Variants in GPC6 observed in about 807,000 individuals in gnomAD.
GPC6 encodes glypican-6.
GPC6 carries 14 observed loss-of-function variants against 55.2 expected under a neutral mutation model. The ratio of observed to expected loss-of-function variants is 0.25; its 90% CI spans 0.17 to 0.40. GPC6 has a LOEUF of 0.40. Among genes scored for constraint, GPC6 ranks in the 10% least tolerant of loss-of-function variants. GPC6 has a pLI of 1.00. For missense variants in GPC6, 641 were observed against 708.5 expected (o/e 0.90, Z 1.08); for synonymous variants, 278 against 259.6 (o/e 1.07, Z -0.68).
intron 1 of GPC6, among the ~76,000 whole-genome samples, chr13:93,537,062 T>G (rs1283752266): frequency 6.6e-6 from 1 of 152,186 alleles, no homozygotes; most frequent in Non-Finnish European, 1.5e-5. Flanking sequence ...GAGTGGTGCC[T>G]GCTTAGACTT....
At chr13:93,690,045 G>T (rs1195346312) in intron 2 of GPC6, among the ~76,000 whole-genome samples, 1 of 152,066 alleles carries the variant, frequency 6.6e-6, no homozygotes, top group African/African-American at 2.4e-5. Flanking sequence ...TAATAACAAA[G>T]AATATCTTTC....
At chr13:94,106,400 A>T (rs1886056358) in intron 4 of GPC6, among the ~76,000 whole-genome samples, 1 of 152,194 alleles carries the variant, frequency 6.6e-6, no homozygotes, top group African/African-American at 2.4e-5. Context: ...GTGGGTAGCG[A>T]GACAGAGTTT....
intron 1 of GPC6, among the ~76,000 whole-genome samples, chr13:93,253,309 G>A (rs1035362306): frequency 1.3e-5 from 2 of 152,184 alleles, no homozygotes; most frequent in African/African-American, 4.8e-5. Context: ...TGGAGGCTTT[G>A]AATAATAAAT....
At chr13:93,761,249 A>C (rs1375235877) in intron 2 of GPC6, among the ~76,000 whole-genome samples, 1 of 152,176 alleles carries the variant, frequency 6.6e-6, no homozygotes, top group Non-Finnish European at 1.5e-5. Flanking sequence ...AAGCAGTTTA[A>C]TTTTCTTTTA....
intron 3 of GPC6, among the ~76,000 whole-genome samples, chr13:93,850,280 A>T (rs1594522000): frequency 6.6e-6 from 1 of 151,912 alleles, no homozygotes; most frequent in African/African-American, 2.4e-5. Context: ...GGTAAATAAC[A>T]CCTAGCCCAG....
chr13:93,967,203 G>A (rs987433831), intron 3 of GPC6, among the ~76,000 whole-genome samples: 3 of 152,112 alleles, frequency 2.0e-5, no homozygotes, highest in African/African-American at 7.2e-5. Flanking sequence ...CACTTTGCTG[G>A]GTGCTAAGGG....
intron 1 of GPC6, among the ~76,000 whole-genome samples, chr13:93,434,445 C>T (rs1877488511): frequency 6.6e-6 from 1 of 152,022 alleles, no homozygotes. Flanking sequence ...ATTGTGGGGA[C>T]AGTGAGGAAT....
intron 4 of GPC6, among the ~76,000 whole-genome samples, chr13:94,269,668 C>T (rs78372532): frequency 0.043 from 6,474 of 152,172 alleles, 245 homozygotes; most frequent in African/African-American, 0.1. Context: ...CACTGAACAC[C>T]TGTGTCCACT....
intron 1 of GPC6, among the ~76,000 whole-genome samples, chr13:93,243,404 T>C (rs901875750): frequency 6.6e-6 from 1 of 152,210 alleles, no homozygotes; most frequent in African/African-American, 2.4e-5. Flanking sequence ...CACCCATGTC[T>C]CTAGTCAGCC....
intron 3 of GPC6, among the ~76,000 whole-genome samples, chr13:93,958,616 A>G (rs56173854): frequency 6.6e-6 from 1 of 152,136 alleles, no homozygotes; most frequent in East Asian, 1.9e-4. Context: ...TATAGTTCAA[A>G]GTTGAATAGT....
intron 2 of GPC6, among the ~76,000 whole-genome samples, chr13:93,569,519 C>A (rs1876295961): frequency 6.6e-6 from 1 of 151,364 alleles, no homozygotes; most frequent in Admixed American, 6.6e-5. Flanking sequence ...TTTAAAACCT[C>A]ACTGCTCAAA....
intron 2 of GPC6, among the ~76,000 whole-genome samples, chr13:93,606,415 A>T (rs1296232452): frequency 1.3e-5 from 2 of 152,202 alleles, no homozygotes; most frequent in Non-Finnish European, 2.9e-5. Context: ...TCATATGTTC[A>T]CATTTTCCTG....
chr13:94,134,577 G>T (rs929555191), intron 4 of GPC6, among the ~76,000 whole-genome samples: 11 of 152,040 alleles, frequency 7.2e-5, no homozygotes. Flanking sequence ...TCATAAATGA[G>T]GTGTCCTCCT....
chr13:93,449,192 G>A (rs184678640), intron 1 of GPC6, among the ~76,000 whole-genome samples: 22 of 152,194 alleles, frequency 1.4e-4, no homozygotes, highest in Non-Finnish European at 2.4e-4. Context: ...GATGAGGAAG[G>A]TTCCTTAATC....
Position 94,364,332 on chromosome 13 carries a change from G to C in GPC6, c.1153-18082G>C, listed in dbSNP as rs146516468. Among the ~76,000 whole-genome samples the C allele has an allele frequency of 2.6e-5, 4 of 152,266 alleles. No individual in the cohort carries two copies. In the South Asian group the frequency reaches 8.3e-4, roughly 32 times the overall value. On this transcript the variant is annotated intron_variant, in intron 6 of 8. Transcript: ENST00000377047. Reference sequence around the variant, plus strand: ...GGTCTAATCATAAGCAGAGTAAATCGTACTCCCTGGTTGGTGCCCCATGGG... The same window carrying C: ...GGTCTAATCATAAGCAGAGTAAATCCTACTCCCTGGTTGGTGCCCCATGGG...
rs770535379 is a variant in GPC6 at position 93,545,397 on chromosome 13, G to T, written c.295G>T (p.Val99Leu). The T allele has an allele frequency of 1.2e-6, 2 of 1,613,870 alleles. No individual in the cohort carries two copies. The highest frequency in any genetic ancestry group is 3.3e-5 in the Admixed American group (2 of 59,996). ...AAGCCATTTTGTGCGCACCACTTTTGTGTCCAGGCATAAGAAATTTGACGG... is the reference window on the plus strand; with the variant it reads ...AAGCCATTTTGTGCGCACCACTTTTTTGTCCAGGCATAAGAAATTTGACGG... Reference protein sequence around the residue: ...ETSHFVRTTFVSRHKKFDEFF... With the variant: ...ETSHFVRTTFLSRHKKFDEFF... The change falls in exon 2 of 9, where the codon GTG becomes TTG. Residue 99 changes from valine (V) to leucine (L), a missense_variant. Coordinates refer to ENST00000377047, the MANE Select transcript of GPC6 (RefSeq NM_005708.5).
At chr13:93,287,680 C>T (rs1878181226) in intron 1 of GPC6, among the ~76,000 whole-genome samples, 3 of 152,146 alleles carry the variant, frequency 2.0e-5, no homozygotes, top group Admixed American at 2.0e-4. Flanking sequence ...ATTGAGTCTG[C>T]AACACATTTT....
At chr13:93,939,937 A>G (rs905125365) in intron 3 of GPC6, among the ~76,000 whole-genome samples, 3 of 152,204 alleles carry the variant, frequency 2.0e-5, no homozygotes, top group African/African-American at 7.2e-5. Context: ...GAACTCATCT[A>G]GATAAATGTC....
chr13:94,096,788 T>A (rs1428595511), intron 4 of GPC6, among the ~76,000 whole-genome samples: 1 of 152,202 alleles, frequency 6.6e-6, no homozygotes, highest in Admixed American at 6.5e-5. Flanking sequence ...AACAGAAATC[T>A]AGGTGAATAT....
Sources: allele counts gnomAD v4.1 joint callset (sites outside exome capture counted in the v4.1 genomes callset), GRCh38; gene constraint gnomAD v4.1.1; transcripts MANE v1.5; gene names NCBI Gene and HGNC (gene_info 2026-07-23, HGNC 2026-07-21).